Variants in PROM1 observed in about 807,000 individuals in gnomAD.
The protein encoded by PROM1 is prominin-1.
PROM1 carries 105 observed loss-of-function variants against 116.9 expected under a neutral mutation model. The observed-to-expected ratio is 0.90, with a 90% CI of 0.77 to 1.06. The LOEUF is 1.06. PROM1 is among the 50% of genes least tolerant of loss of function. The pLI is 0.00. For missense variants in PROM1, 1,122 were observed against 1,045.2 expected, an observed-to-expected ratio of 1.07 and a Z score of -1.01; for synonymous variants, 393 against 387.0, an observed-to-expected ratio of 1.02 and a Z score of -0.18.
intron 15 of PROM1, among the ~76,000 whole-genome samples, chr4:15,994,377 T>C (rs1721803269): frequency 6.6e-6 from 1 of 152,168 alleles, no homozygotes; most frequent in Non-Finnish European, 1.5e-5. Context: ...TGGGAAGAAA[T>C]AAATTCTCAT....
chr4:16,042,841 C>T (rs1578183022), intron 2 of PROM1, among the ~76,000 whole-genome samples: 2 of 152,150 alleles, frequency 1.3e-5, no homozygotes, highest in East Asian at 1.9e-4. Context: ...TATACATCAA[C>T]GGAGCTAACA....
At position 16,033,621 on chromosome 4, in the gene PROM1, G is replaced by C. The variant is rs1055248131; in HGVS notation, c.304-112C>G. 3 of 875,958 alleles carry C rather than the reference G, an allele frequency of 3.4e-6. No homozygotes were observed. The South Asian group carries it at 6.6e-5, about 19-fold the overall frequency. The allele number at this position is 875,958 out of a possible 1,614,324, so 54.3% of individuals were successfully genotyped here. A position where few individuals can be genotyped will look rare whatever the true frequency, so the allele number is the denominator to read the frequency against. On this transcript the variant is annotated intron_variant, in intron 4 of 27. Transcript: ENST00000447510. The stretch of plus-strand genomic sequence containing the variant: ...TTTTTTTTTTTTGAGACAGGGTCTC[G>C]CTCTGTTGCCCAGGCTGGAGCGCAG...
At chr4:16,041,815 T>G (rs1210273157) in intron 2 of PROM1, among the ~76,000 whole-genome samples, 7 of 147,706 alleles carry the variant, frequency 4.7e-5, no homozygotes, top group Non-Finnish European at 3.0e-5. Flanking sequence ...TATGAAAGGC[T>G]GAGAGACAAA....
chr4:16,021,788 G>A (rs555018860), intron 8 of PROM1, among the ~76,000 whole-genome samples: 2 of 152,196 alleles, frequency 1.3e-5, no homozygotes, highest in Admixed American at 1.3e-4. Context: ...CAGGTAACAC[G>A]GGCTCTTGCT....
intron 27 of PROM1, among the ~76,000 whole-genome samples, chr4:15,969,720 C>G (rs776875549): frequency 3.3e-5 from 5 of 152,046 alleles, no homozygotes; most frequent in Non-Finnish European, 7.4e-5. Flanking sequence ...GGACTACAGG[C>G]ACCTGCCACC....
chr4:15,990,712 G>A (rs1040230661), intron 18 of PROM1, among the ~76,000 whole-genome samples: 8 of 152,132 alleles, frequency 5.3e-5, no homozygotes, highest in Admixed American at 6.5e-5. Flanking sequence ...CCAGAAAGAG[G>A]AGCCCAAAGC....
chr4:15,990,809 C>A (rs774397402), intron 18 of PROM1, among the ~76,000 whole-genome samples: 1 of 152,346 alleles, frequency 6.6e-6, no homozygotes, highest in South Asian at 2.1e-4. Flanking sequence ...AGTTACCACT[C>A]ATTTTCTAGC....
chr4:16,042,365 C>T (rs777979002), intron 2 of PROM1, among the ~76,000 whole-genome samples: 6 of 152,142 alleles, frequency 3.9e-5, no homozygotes, highest in South Asian at 2.1e-4. Context: ...ACTCAGTGAA[C>T]GAATATTTTC....
intron 2 of PROM1, among the ~76,000 whole-genome samples, chr4:16,041,952 G>T (rs1460730979): frequency 6.6e-6 from 1 of 151,792 alleles, no homozygotes; most frequent in Non-Finnish European, 1.5e-5. Context: ...AGGACTACAA[G>T]TGCACGCCAC....
Position 16,024,323 on chromosome 4 carries a change from G to C in PROM1, c.666C>G (p.Thr222=). The change falls in exon 7 of 28, where the codon ACC becomes ACG. Residue 222 remains threonine (T), a synonymous_variant. Coordinates refer to ENST00000447510, the MANE Select transcript of PROM1 (RefSeq NM_006017.3). ...TCAGATCTGTGAACGCCTTGTCCTT[G>C]GTAGTGTTGTACTGGGCCAATATAT... ...IKYILAQYNT[T]KDKAFTDLNS... 6.2e-7 allele frequency: 1 copy of C among 1,613,500 alleles called. No homozygotes were observed. The highest frequency in any genetic ancestry group is 8.5e-7 in the Non-Finnish European group (1 of 1,179,674).
In PROM1 at chr4:16,075,798, G is replaced by A; in HGVS notation, c.109C>T (p.Pro37Ser). Residue 37 changes from proline (P) to serine (S), a missense_variant, in exon 2 of 28, where the codon CCT becomes TCT. Physicochemically the swap from Pro to Ser is moderately conservative, Grantham distance 74. Transcript: ENST00000447510. ...DAPKAWNYEL[P>S]ATNYETQDSH... ...TCTTGGGTCTCATAATTTGTTGCAG[G>A]CAATTCATAATTCCAAGCCTTAGGA... 1.9e-6 allele frequency: 3 copies of A among 1,613,726 alleles called. No individual in the cohort carries two copies. Among genetic ancestry groups the A allele is most frequent in the Non-Finnish European group, 2.5e-6 (3 of 1,179,810 alleles).
intron 2 of PROM1, among the ~76,000 whole-genome samples, chr4:16,073,286 A>C (rs1375840496): frequency 6.6e-6 from 1 of 152,180 alleles, no homozygotes; most frequent in East Asian, 1.9e-4. Context: ...TAATGTACTA[A>C]GGTATTAAAC....
At chr4:16,071,689 C>A (rs1269996148) in intron 2 of PROM1, among the ~76,000 whole-genome samples, 1 of 152,168 alleles carries the variant, frequency 6.6e-6, no homozygotes, top group East Asian at 1.9e-4. Flanking sequence ...AGAAAGTGAG[C>A]CTTCCCTAGA....
intron 3 of PROM1, among the ~76,000 whole-genome samples, chr4:16,037,280 C>T (rs1292982153): frequency 6.6e-6 from 1 of 152,124 alleles, no homozygotes; most frequent in East Asian, 1.9e-4. Context: ...TACAGGCCGA[C>T]GTGACAATCA....
At chr4:16,038,415 T>G (rs1734420769) in intron 3 of PROM1, among the ~76,000 whole-genome samples, 1 of 152,216 alleles carries the variant, frequency 6.6e-6, no homozygotes, top group Non-Finnish European at 1.5e-5. Context: ...TTTGTTTATT[T>G]ATTTTGAGAT....
chr4:16,029,580 C>T (rs1319594425), intron 5 of PROM1, among the ~76,000 whole-genome samples: 1 of 152,108 alleles, frequency 6.6e-6, no homozygotes, highest in Non-Finnish European at 1.5e-5. Context: ...CTCTGGGAAC[C>T]CTCAGAGAAA....
Position 15,978,208 on chromosome 4 carries a change from A to G in PROM1, c.2582+1187T>C, listed in dbSNP as rs903975600. Among the ~76,000 whole-genome samples, 5 of 152,332 alleles carry G rather than the reference A, an allele frequency of 3.3e-5. No homozygotes were observed. The South Asian group carries it at 1.0e-3, about 32-fold the overall frequency. On this transcript the variant is annotated intron_variant, in intron 26 of 27. Coordinates refer to ENST00000447510, the MANE Select transcript of PROM1 (RefSeq NM_006017.3). Reference sequence around the variant, plus strand: ...GTGAGAAATAAACCCTGATGTTTATAAGCTACCCAGTTTAAGGCATTTCAT... The same window carrying G: ...GTGAGAAATAAACCCTGATGTTTATGAGCTACCCAGTTTAAGGCATTTCAT...
intron 4 of PROM1, among the ~76,000 whole-genome samples, chr4:16,034,335 T>C (rs1311091351): frequency 3.9e-5 from 6 of 152,164 alleles, no homozygotes; most frequent in African/African-American, 1.4e-4. Flanking sequence ...GAAATAATAA[T>C]ACGTACCTTG....
intron 26 of PROM1, among the ~76,000 whole-genome samples, chr4:15,975,175 T>A (rs1045981956): frequency 5.9e-5 from 9 of 152,208 alleles, no homozygotes; most frequent in Non-Finnish European, 1.0e-4. Flanking sequence ...ATGTTTTGCC[T>A]TGTTACCTCA....
Sources: allele counts gnomAD v4.1 joint callset (sites outside exome capture counted in the v4.1 genomes callset), GRCh38; gene constraint gnomAD v4.1.1; transcripts MANE v1.5; gene names NCBI Gene and HGNC (gene_info 2026-07-23, HGNC 2026-07-21).